CDH2: variants seen among roughly 807,000 people sequenced by gnomAD.
The protein encoded by CDH2 is cadherin 2, also known as cadherin-2.
In CDH2, 17 loss-of-function variants were observed where a neutral mutation model predicts 92.0. The ratio of observed to expected loss-of-function variants is 0.18; its 90% CI spans 0.13 to 0.28. The LOEUF (loss-of-function observed/expected upper bound fraction) is 0.28, where lower values mean the gene tolerates loss of function less well. Ranked by LOEUF, CDH2 falls within the 10% of genes least tolerant of loss-of-function variation. CDH2 has a pLI of 1.00. For synonymous variants in CDH2, 419 were observed against 415.9 expected (o/e 1.01, Z -0.09); for missense variants, 862 against 1,133.1 (o/e 0.76, Z 3.44).
At chr18:28,119,522 C>T (rs1407523171) in intron 2 of CDH2, among the ~76,000 whole-genome samples, 6 of 152,060 alleles carry the variant, frequency 3.9e-5, no homozygotes, top group African/African-American at 4.8e-5. Context: ...ATGTTTTATG[C>T]ATAATTTATA....
At chr18:28,059,216 T>G (rs540752066) in intron 2 of CDH2, among the ~76,000 whole-genome samples, 1 of 152,218 alleles carries the variant, frequency 6.6e-6, no homozygotes, top group Non-Finnish European at 1.5e-5. Flanking sequence ...ATGAACATGA[T>G]GACACTGTAA....
intron 2 of CDH2, among the ~76,000 whole-genome samples, chr18:28,068,803 C>T (rs1357842157): frequency 6.6e-6 from 1 of 152,150 alleles, no homozygotes; most frequent in Non-Finnish European, 1.5e-5. Flanking sequence ...TGAATTAGAT[C>T]CCATGCTATT....
chr18:28,166,170 ATATG>A (rs1555648264), intron 1 of CDH2, among the ~76,000 whole-genome samples: 1 of 136,126 alleles, frequency 7.3e-6, no homozygotes, highest in African/African-American at 2.9e-5. Context: ...ATATATATAT[ATATG>A]TCTGTATTTT....
chr18:27,985,027 T>C lies in CDH2; in HGVS notation c.2182A>G (p.Ile728Val), dbSNP rs1280044418. The change falls in exon 13 of 16, where the codon ATC becomes GTC. Residue 728 changes from isoleucine to valine, a missense_variant. Physicochemically the swap from Ile to Val is conservative, Grantham distance 29. Coordinates refer to ENST00000269141, the MANE Select transcript of CDH2 (RefSeq NM_001792.5). ...AGCAGGATGATGATGCAGAGCAGGATGGCAATGATGGCACCGGTGCCAAGC... is the reference window on the plus strand; with the variant it reads ...AGCAGGATGATGATGCAGAGCAGGACGGCAATGATGGCACCGGTGCCAAGC... ...AGLGTGAIIA[I>V]LLCIIILLIL... 2.5e-6 allele frequency: 4 copies of C among 1,613,914 alleles called. No individual in the cohort carries two copies. The highest frequency in any genetic ancestry group is 1.1e-5 in the South Asian group (1 of 91,084).
chr18:28,116,852 G>A (rs996566562), intron 2 of CDH2, among the ~76,000 whole-genome samples: 4 of 152,104 alleles, frequency 2.6e-5, no homozygotes, highest in Admixed American at 2.6e-4. Context: ...TAAAGGAATA[G>A]CTGCTTGTTT....
At chr18:28,045,060 C>T (rs2014046729) in intron 2 of CDH2, among the ~76,000 whole-genome samples, 1 of 152,116 alleles carries the variant, frequency 6.6e-6, no homozygotes, top group Non-Finnish European at 1.5e-5. Flanking sequence ...GAAAAATTAA[C>T]ACCCACATTC....
rs1236877209 is a variant in CDH2, at chr18:27,990,229, A to G, written c.1466T>C (p.Ile489Thr). The change falls in exon 10 of 16, where the codon ATT (isoleucine) becomes ACT (threonine). Residue 489 changes from isoleucine to threonine, a missense_variant. Ile to Thr is a moderately conservative substitution (Grantham distance 89, BLOSUM62 -1). Around this residue, in one of 5 missense-constraint regions of CDH2, gnomAD observed 564 missense variants for 722.2 expected, o/e 0.78. Transcript: ENST00000269141. ...QSTATVSVTV[I>T]DVNENPYFAP... ...AAAATAAGGGTTTTCATTTACGTCAATAACTGTAACAGACACGGTTGCAGT... is the reference window on the plus strand; with the variant it reads ...AAAATAAGGGTTTTCATTTACGTCAGTAACTGTAACAGACACGGTTGCAGT... 3 of 1,614,050 alleles carry G rather than the reference A, an allele frequency of 1.9e-6. No homozygotes were observed. Among genetic ancestry groups the G allele is most frequent in the East Asian group, 2.2e-5 (1 of 44,890 alleles).
chr18:28,030,859 A>C (rs2013677045), intron 2 of CDH2, among the ~76,000 whole-genome samples: 1 of 151,974 alleles, frequency 6.6e-6, no homozygotes. Flanking sequence ...AGAACCTAAC[A>C]CACTGCAAAG....
intron 2 of CDH2, among the ~76,000 whole-genome samples, chr18:28,140,824 C>T (rs1465870406): frequency 2.7e-5 from 4 of 149,580 alleles, no homozygotes; most frequent in Non-Finnish European, 5.9e-5. Context: ...TCTTACGACT[C>T]AAAAACACAA....
chr18:28,075,232 T>C (rs1203923752), intron 2 of CDH2, among the ~76,000 whole-genome samples: 3 of 152,294 alleles, frequency 2.0e-5, no homozygotes, highest in Admixed American at 6.5e-5. Context: ...GATAGAGGTA[T>C]GTCCAGAGTC....
intron 1 of CDH2, among the ~76,000 whole-genome samples, chr18:28,157,991 C>A (rs2016247792): frequency 6.6e-6 from 1 of 152,128 alleles, no homozygotes; most frequent in Non-Finnish European, 1.5e-5. Flanking sequence ...ACTCTTTATA[C>A]ACTTTATTTG....
At chr18:27,996,263 A>C (rs1045730003) in intron 7 of CDH2, among the ~76,000 whole-genome samples, 1 of 152,058 alleles carries the variant, frequency 6.6e-6, no homozygotes, top group Non-Finnish European at 1.5e-5. Flanking sequence ...TGCCTAGACA[A>C]GTGGATGTTA....
intron 2 of CDH2, among the ~76,000 whole-genome samples, chr18:28,075,432 G>A (rs2014701003): frequency 6.6e-6 from 1 of 152,108 alleles, no homozygotes; most frequent in Admixed American, 6.6e-5. Context: ...GATTCCAGAG[G>A]CTTAAGAGTG....
chr18:27,999,060 G>A (rs1211533968), intron 7 of CDH2, among the ~76,000 whole-genome samples: 1 of 152,210 alleles, frequency 6.6e-6, no homozygotes, highest in African/African-American at 2.4e-5. Context: ...AGAGACTACT[G>A]TGGGTGATCA....
intron 4 of CDH2, among the ~76,000 whole-genome samples, chr18:28,011,090 C>T (rs1003756916): frequency 1.6e-4 from 25 of 151,634 alleles, no homozygotes; most frequent in African/African-American, 5.6e-4. Context: ...TATTTTAAAG[C>T]GGCTTATTTT....
intron 6 of CDH2, among the ~76,000 whole-genome samples, chr18:27,941,225 CG>C (rs1302576309): frequency 6.6e-6 from 1 of 151,788 alleles, no homozygotes; most frequent in Non-Finnish European, 1.5e-5. Flanking sequence ...TTAGTAGAGA[CG>C]GGGTTTCACC....
intron 15 of CDH2, among the ~76,000 whole-genome samples, chr18:27,961,343 G>A (rs2011398736): frequency 6.6e-6 from 1 of 151,736 alleles, no homozygotes; most frequent in African/African-American, 2.4e-5. Flanking sequence ...TACTGAGTGG[G>A]AGAAAGAAAT....
chr18:28,155,589 C>T (rs2016196002), intron 1 of CDH2, among the ~76,000 whole-genome samples: 1 of 152,110 alleles, frequency 6.6e-6, no homozygotes, highest in African/African-American at 2.4e-5. Flanking sequence ...GATGGAGCCG[C>T]AGTACAGGGA....
At chr18:27,983,125 T>A (rs1276886949) in intron 13 of CDH2, 42 bp from the exon 14 acceptor site, 1 of 1,525,160 alleles carries the variant, frequency 6.6e-7, no homozygotes, top group Admixed American at 1.8e-5. Flanking sequence ...TTGTCATTTT[T>A]AAAGCCTGGC....
Sources: gnomAD v4.1 joint callset for allele counts (sites outside exome capture counted in the v4.1 genomes callset) on GRCh38, gnomAD v4.1.1 for gene constraint, gnomAD v4.1.1 regional missense constraint, MANE v1.5 for transcripts, NCBI Gene and HGNC (gene_info 2026-07-23, HGNC 2026-07-21) for gene names.